Variants in GBF1 observed in about 807,000 individuals in gnomAD.
GBF1 encodes the protein Golgi-specific brefeldin A-resistance guanine nucleotide exchange factor 1.
GBF1 carries 114 observed loss-of-function variants against 210.5 expected under a neutral mutation model. That is an observed-to-expected ratio of 0.54 (90% CI 0.47 to 0.63). The LOEUF is 0.63. Ranked by LOEUF, GBF1 falls within the 30% of genes least tolerant of loss-of-function variation. The probability of loss-of-function intolerance (pLI) is 0.00; values close to 1 mark genes in which losing one functional copy is unlikely to be tolerated. For missense variants in GBF1, 1,851 were observed against 2,357.7 expected (o/e 0.79, Z 4.45); for synonymous variants, 850 against 889.2 (o/e 0.96, Z 0.78).
chr10:102,372,210 CAAAAA>C (rs879741884), intron 29 of GBF1, among the ~76,000 whole-genome samples: 2 of 117,660 alleles, frequency 1.7e-5, no homozygotes, highest in South Asian at 5.5e-4. Flanking sequence ...GACTCCATCT[CAAAAA>C]AAAAAAAAGA....
rs376058620 is a variant in GBF1 at position 102,325,705 on chromosome 10, G to A, written c.164-18346G>A. Among the ~76,000 whole-genome samples the A allele has an allele frequency of 7.3e-4, 110 of 151,672 alleles. 1 individual carries two copies. Among genetic ancestry groups the A allele is most frequent in the African/African-American group, 2.4e-3 (98 of 41,332 alleles). On this transcript the variant is annotated intron_variant, in intron 3 of 39. Transcript: ENST00000369983. ...CACTCTGTCACCCAGGCTGGAGTGC[G>A]GTGGCACAATCTTGGCTCACTGCAC... is the stretch of plus-strand genomic sequence containing the variant.
chr10:102,380,598 C>G lies in GBF1; in HGVS notation c.5085C>G (p.Pro1695=), dbSNP rs112809254. 4.3e-6 allele frequency: 7 copies of G among 1,613,834 alleles called. No homozygotes were observed. Among genetic ancestry groups the G allele is most frequent in the Non-Finnish European group, 5.9e-6 (7 of 1,179,932 alleles). Residue 1695 remains proline, a synonymous_variant, in exon 38 of 40, where the codon CCC becomes CCG. Transcript: ENST00000369983. ...FHSADARGGG[P]SALWEITWER... is the part of the protein sequence containing the mutation. ...GTGCAGATGCACGGGGAGGCGGCCCCTCGGCCCTCTGGGAGATCACCTGGG... is the reference window on the plus strand; with the variant it reads ...GTGCAGATGCACGGGGAGGCGGCCCGTCGGCCCTCTGGGAGATCACCTGGG...
At chr10:102,244,248 A>G (rs1181160267), upstream of GBF1, among the ~76,000 whole-genome samples, 2 of 152,230 alleles carry the variant, frequency 1.3e-5, no homozygotes, top group Non-Finnish European at 2.9e-5. Flanking sequence ...GGTTAGTTAT[A>G]GAGCTTCCCT....
In GBF1 at chr10:102,369,393, T is replaced by C. The variant is rs1410283138; in HGVS notation, c.3150+6T>C. 6.2e-7 allele frequency: 1 copy of C among 1,604,642 alleles called. No individual in the cohort carries two copies. Among genetic ancestry groups the C allele is most frequent in the Admixed American group, 1.7e-5 (1 of 59,856 alleles). On this transcript the variant is annotated splice_donor_region_variant and intron_variant, in intron 24 of 39. Transcript: ENST00000369983. ...TGCCCAAGGCTATGATAGAGGTAAT[T>C]CTTAGTAGGAGACTAGTGAGCGATA...
chr10:102,302,456 A>G (rs1404554673), intron 3 of GBF1, among the ~76,000 whole-genome samples: 1 of 152,244 alleles, frequency 6.6e-6, no homozygotes, highest in Non-Finnish European at 1.5e-5. Flanking sequence ...ACCAAAAAAA[A>G]AATCATCATA....
chr10:102,339,712 C>T (rs1241455145), intron 3 of GBF1, among the ~76,000 whole-genome samples: 1 of 152,030 alleles, frequency 6.6e-6, no homozygotes, highest in South Asian at 2.1e-4. Context: ...AACACAGTGT[C>T]GTGTTGTCAG....
At chr10:102,294,031 G>T (rs2076706580) in intron 3 of GBF1, among the ~76,000 whole-genome samples, 1 of 151,744 alleles carries the variant, frequency 6.6e-6, no homozygotes, top group African/African-American at 2.4e-5. Flanking sequence ...ACCCGCCTCG[G>T]CCTCCCAAAG....
intron 3 of GBF1, among the ~76,000 whole-genome samples, chr10:102,271,141 C>T (rs2074374428): frequency 1.3e-5 from 2 of 151,434 alleles, no homozygotes; most frequent in Non-Finnish European, 2.9e-5. Flanking sequence ...GGGTTCATGC[C>T]ATTCTCCTGC....
chr10:102,307,654 G>T (rs775881041), intron 3 of GBF1, among the ~76,000 whole-genome samples: 15 of 152,138 alleles, frequency 9.9e-5, no homozygotes, highest in Non-Finnish European at 1.3e-4. Flanking sequence ...AGCCGGGCGT[G>T]GTGGCGGGTG....
At chr10:102,283,385 A>G (rs1451479728) in intron 3 of GBF1, among the ~76,000 whole-genome samples, 4 of 152,216 alleles carry the variant, frequency 2.6e-5, no homozygotes, top group Non-Finnish European at 5.9e-5. Context: ...TCCAAAAGGA[A>G]GCTGTGGAAA....
chr10:102,342,166 A>G (rs2058229436), intron 3 of GBF1, among the ~76,000 whole-genome samples: 1 of 151,302 alleles, frequency 6.6e-6, no homozygotes, highest in African/African-American at 2.4e-5. Flanking sequence ...CCTCCCGAGT[A>G]GCTGGGACTA....
At chr10:102,356,125 G>A (rs2059275280) in intron 8 of GBF1, among the ~76,000 whole-genome samples, 1 of 152,184 alleles carries the variant, frequency 6.6e-6, no homozygotes, top group African/African-American at 2.4e-5. Context: ...TTTATTGGAA[G>A]GAGCTATGGG....
chr10:102,365,694 C>T (rs900533310), intron 18 of GBF1, 95 bp downstream of exon 18: 12 of 1,069,280 alleles, frequency 1.1e-5, no homozygotes, highest in South Asian at 2.6e-5. Flanking sequence ...GCAGATCACT[C>T]GAGCTCAGGA....
upstream of GBF1, among the ~76,000 whole-genome samples, chr10:102,241,842 G>T (rs2070546624): frequency 6.6e-6 from 1 of 152,244 alleles, no homozygotes; most frequent in Non-Finnish European, 1.5e-5. This position sits in a 1 kb window ranked among gnomAD's most constrained non-coding sequence, Gnocchi z 6.7. Flanking sequence ...AAAGGGATCG[G>T]CTGGCAGCGA....
At chr10:102,272,037 G>C (rs1006933971) in intron 3 of GBF1, among the ~76,000 whole-genome samples, 12 of 152,008 alleles carry the variant, frequency 7.9e-5, no homozygotes, top group Admixed American at 2.6e-4. Context: ...ACAGGTGTGA[G>C]CTATTGCGCC....
the GBF1 span, among the ~76,000 whole-genome samples, chr10:102,231,383 G>T: frequency 6.6e-6 from 1 of 152,178 alleles, no homozygotes; most frequent in Non-Finnish European, 1.5e-5. Context: ...GGCCGAAGAA[G>T]CGCGCGGTCC....
intron 1 of GBF1, among the ~76,000 whole-genome samples, chr10:102,252,970 C>T (rs1419130819): frequency 6.6e-6 from 1 of 152,128 alleles, no homozygotes; most frequent in African/African-American, 2.4e-5. Context: ...TCTTGGCTTA[C>T]TGCAACCTCC....
At chr10:102,352,362 G>T in intron 6 of GBF1, 96 bp from the exon 7 acceptor site, 1 of 871,592 alleles carries the variant, frequency 1.1e-6, no homozygotes, top group Non-Finnish European at 2.0e-6. Context: ...CATAATCCTT[G>T]GTAAACAAGG....
intron 38 of GBF1, 96 bp downstream of exon 38, chr10:102,380,782 TG>T: frequency 3.9e-6 from 4 of 1,036,052 alleles, no homozygotes; most frequent in Non-Finnish European, 5.7e-6. Flanking sequence ...CCGAGGTGGG[TG>T]GATCACCCGA....
Sources: allele counts gnomAD v4.1 joint callset (sites outside exome capture counted in the v4.1 genomes callset), GRCh38; gene constraint gnomAD v4.1.1; non-coding constraint Gnocchi (gnomAD v3.1); transcripts MANE v1.5; gene names NCBI Gene and HGNC (gene_info 2026-07-23, HGNC 2026-07-21).